The following HAT1 variants were observed in gnomAD, a reference collection of about 807,000 sequenced individuals.
HAT1 encodes histone acetyltransferase 1, also known as histone acetyltransferase type B catalytic subunit.
In HAT1, 20 loss-of-function variants were observed where a neutral mutation model predicts 56.6. The ratio of observed to expected loss-of-function variants is 0.35; its 90% CI spans 0.25 to 0.51. The LOEUF (loss-of-function observed/expected upper bound fraction) is 0.51, where lower values mean the gene tolerates loss of function less well. HAT1 is among the 20% of genes least tolerant of loss of function. The pLI, the probability that HAT1 is intolerant of heterozygous loss-of-function variation, is 0.95. For synonymous variants in HAT1, 146 were observed against 165.5 expected (o/e 0.88, Z 0.91); for missense variants, 408 against 504.3 (o/e 0.81, Z 1.83).
intron 8 of HAT1, among the ~76,000 whole-genome samples, chr2:171,974,210 A>AAAAAAAAAAAAAAAAAG (rs1687905080): frequency 2.8e-5 from 2 of 72,692 alleles, no homozygotes; most frequent in African/African-American, 8.0e-5. Flanking sequence ...AGAAAAAGAA[A>AAAAAAAAAAAAAAAAAG]AAAAAAAAAA....
intron 6 of HAT1, chr2:171,966,174 A>G: frequency 1.6e-6 from 1 of 609,900 alleles, no homozygotes; most frequent in Non-Finnish European, 2.9e-6. Flanking sequence ...CTTGCCACCT[A>G]TTCATCTTTA....
intron 2 of HAT1, among the ~76,000 whole-genome samples, chr2:171,937,184 T>C (rs982016306): frequency 1.4e-4 from 22 of 152,134 alleles, no homozygotes; most frequent in African/African-American, 4.6e-4. Context: ...TGAACTCTTA[T>C]GTATTTATTA....
intron 8 of HAT1, among the ~76,000 whole-genome samples, chr2:171,970,050 C>T (rs1206832773): frequency 6.6e-6 from 1 of 152,054 alleles, no homozygotes; most frequent in Non-Finnish European, 1.5e-5. Context: ...CAGCCAGCTA[C>T]TTGGGGGACT....
intron 8 of HAT1, among the ~76,000 whole-genome samples, chr2:171,974,333 TTGGAAA>T (rs1687909067): frequency 6.6e-6 from 1 of 152,154 alleles, no homozygotes; most frequent in Non-Finnish European, 1.5e-5. Context: ...TTTGATGCTG[TTGGAAA>T]TGGGATTATT....
intron 3 of HAT1, among the ~76,000 whole-genome samples, chr2:171,951,067 T>C (rs920781064): frequency 2.6e-5 from 4 of 152,226 alleles, no homozygotes; most frequent in Non-Finnish European, 4.4e-5. Context: ...CACCTCGGCC[T>C]CCCGAAGTGC....
chr2:171,940,200 A>C (rs1191923213), intron 2 of HAT1, among the ~76,000 whole-genome samples: 2 of 152,220 alleles, frequency 1.3e-5, no homozygotes, highest in South Asian at 2.1e-4. Flanking sequence ...AAAGACTTGA[A>C]TAGTTCTGCA....
At chr2:171,981,705 T>G (rs1688136338) in intron 10 of HAT1, among the ~76,000 whole-genome samples, 1 of 152,232 alleles carries the variant, frequency 6.6e-6, no homozygotes, top group Non-Finnish European at 1.5e-5. Context: ...TCATTGCAGT[T>G]TAATAGTTTT....
chr2:171,961,905 T>TTA (rs1687584753), intron 4 of HAT1, among the ~76,000 whole-genome samples: 1 of 149,848 alleles, frequency 6.7e-6, no homozygotes, highest in East Asian at 1.9e-4. Context: ...TTTTTTTTTT[T>TTA]AGCATATTTT....
At chr2:171,962,745 T>A (rs1031246743) in intron 4 of HAT1, among the ~76,000 whole-genome samples, 11 of 152,186 alleles carry the variant, frequency 7.2e-5, no homozygotes, top group Non-Finnish European at 1.2e-4. Context: ...GTGTGTCTAG[T>A]CAGCTGAATT....
Position 171,946,767 on chromosome 2 carries a change from C to T in HAT1, c.172C>T (p.Gln58Ter). ...IRTFFPEYTH[Q>*]LFGDDETAFG... ...AACTTTCTTTCCTGAGTATACCCAT[C>T]AACTCTTTGGGGATGAGTAAGTAAC... is the stretch of plus-strand genomic sequence containing the variant. The change falls in exon 3 of 11, where the codon CAA becomes TAA. Residue 58 changes from glutamine to a stop codon, truncating the protein, a stop_gained. Coordinates refer to ENST00000264108, the MANE Select transcript of HAT1 (RefSeq NM_003642.4). LOFTEE classifies it high-confidence loss of function. The T allele has an allele frequency of 6.5e-7, 1 of 1,532,874 alleles. No homozygotes were observed. Among genetic ancestry groups the T allele is most frequent in the Non-Finnish European group, 9.0e-7 (1 of 1,116,288 alleles). 95.0% of individuals were successfully genotyped at this position (1,532,874 alleles called of 1,614,324 possible). A position where few individuals can be genotyped will look rare whatever the true frequency, so the allele number is the denominator to read the frequency against.
chr2:171,952,906 C>T lies in HAT1; in HGVS notation c.214C>T (p.Leu72=). 6.3e-7 allele frequency: 1 copy of T among 1,592,898 alleles called. No individual in the cohort carries two copies. Among genetic ancestry groups the T allele is most frequent in the Non-Finnish European group, 8.6e-7 (1 of 1,164,884 alleles). The stretch of plus-strand genomic sequence containing the variant: ...TGAAACTGCTTTTGGTTACAAGGGT[C>T]TAAAGATCCTGTTATACTATATTGC... ...DDETAFGYKG[L]KILLYYIAGS... is the part of the protein sequence containing the mutation. Residue 72 remains leucine, a synonymous_variant, in exon 4 of 11, where the codon CTA becomes TTA. Transcript: ENST00000264108.
At chr2:171,982,242 T>C (rs936735890) in intron 10 of HAT1, among the ~76,000 whole-genome samples, 4 of 152,172 alleles carry the variant, frequency 2.6e-5, no homozygotes, top group Non-Finnish European at 5.9e-5. Flanking sequence ...CTCATGGCTG[T>C]AATCCCAGCA....
chr2:171,957,557 A>G (rs1307179976), intron 4 of HAT1, among the ~76,000 whole-genome samples: 3 of 152,176 alleles, frequency 2.0e-5, no homozygotes, highest in African/African-American at 7.2e-5. Context: ...TGAACTGACT[A>G]TATCTAGATG....
chr2:171,983,047 AAC>A, intron 10 of HAT1, 136 bp from the exon 11 acceptor site: 3 of 523,152 alleles, frequency 5.7e-6, no homozygotes, highest in East Asian at 3.1e-5. Context: ...AACAAAACAA[AAC>A]AAAAAAAAAA....
intron 8 of HAT1, among the ~76,000 whole-genome samples, chr2:171,968,182 G>A (rs1243481145): frequency 3.9e-5 from 6 of 152,062 alleles, no homozygotes; most frequent in South Asian, 2.1e-4. Flanking sequence ...ACTAAACTTC[G>A]TTTATAACAA....
chr2:171,960,818 C>G (rs574131360), intron 4 of HAT1, among the ~76,000 whole-genome samples: 7 of 151,832 alleles, frequency 4.6e-5, no homozygotes, highest in African/African-American at 1.4e-4. Context: ...TTGAGACCAG[C>G]CTTGGTAACA....
In HAT1 at chr2:171,922,513, T is replaced by C. The variant is rs778394722; in HGVS notation, c.7+6T>C. 12 of 1,317,982 alleles carry C rather than the reference T, an allele frequency of 9.1e-6. No homozygotes were observed. Among genetic ancestry groups the C allele is most frequent in the East Asian group, 2.8e-5 (1 of 35,750 alleles). 81.6% of individuals were successfully genotyped at this position (1,317,982 alleles called of 1,614,324 possible). ...TCGTAGCTCGGAAATGGCGGGTAAG[T>C]TACCGGGAAAAGTTTACCAAGGGGA... On this transcript the variant is annotated splice_donor_region_variant and intron_variant, in intron 1 of 10. Coordinates refer to ENST00000264108, the MANE Select transcript of HAT1 (RefSeq NM_003642.4).
intron 2 of HAT1, among the ~76,000 whole-genome samples, chr2:171,932,315 C>G (rs1200188833): frequency 6.6e-6 from 1 of 152,106 alleles, no homozygotes; most frequent in African/African-American, 2.4e-5. Context: ...TGTTTCTTCT[C>G]TATCTTCTGG....
At chr2:171,961,538 T>G (rs1687574884) in intron 4 of HAT1, among the ~76,000 whole-genome samples, 1 of 151,816 alleles carries the variant, frequency 6.6e-6, no homozygotes, top group Non-Finnish European at 1.5e-5. Flanking sequence ...TTTTAAAAAT[T>G]TTATGGAGTG....
Sources: allele counts gnomAD v4.1 joint callset (sites outside exome capture counted in the v4.1 genomes callset), GRCh38; gene constraint gnomAD v4.1.1; transcripts MANE v1.5; gene names NCBI Gene and HGNC (gene_info 2026-07-23, HGNC 2026-07-21).